Variants in SESN3 observed in about 807,000 individuals in gnomAD.
SESN3 encodes the protein sestrin 3, also known as sestrin-3.
Under a neutral mutation model 55.3 loss-of-function variants are expected in SESN3, and 21 were observed. That is an observed-to-expected ratio of 0.38 (90% CI 0.27 to 0.55). The LOEUF is 0.55. SESN3 is among the 20% of genes least tolerant of loss of function. The pLI, the probability that SESN3 is intolerant of heterozygous loss-of-function variation, is 0.76. For missense variants in SESN3, 408 were observed against 604.3 expected (o/e 0.68, Z 3.41); for synonymous variants, 181 against 203.1 (o/e 0.89, Z 0.93).
chr11:95,181,960 A>G (rs1860066444), intron 6 of SESN3, among the ~76,000 whole-genome samples: 1 of 152,106 alleles, frequency 6.6e-6, no homozygotes, highest in Non-Finnish European at 1.5e-5. Flanking sequence ...ATATGTGTGT[A>G]TATATGTGAA....
At chr11:95,227,355 G>A (rs1034817868) in intron 1 of SESN3, among the ~76,000 whole-genome samples, 3 of 151,946 alleles carry the variant, frequency 2.0e-5, no homozygotes, top group Non-Finnish European at 2.9e-5. Flanking sequence ...ACAGGCACAC[G>A]ATTCCACGCC....
chr11:95,190,434 C>T (rs1325855382), intron 3 of SESN3, among the ~76,000 whole-genome samples: 2 of 151,964 alleles, frequency 1.3e-5, no homozygotes, highest in African/African-American at 4.8e-5. Context: ...TGGAAGCTCA[C>T]TGACCCTTTT....
At chr11:95,184,034 C>T (rs923832699) in intron 6 of SESN3, 2 of 233,040 alleles carry the variant, frequency 8.6e-6, no homozygotes, top group Non-Finnish European at 1.6e-5. Context: ...TTCCCACACA[C>T]CCCCCACCTA....
chr11:95,205,524 C>T (rs148055431), intron 1 of SESN3, among the ~76,000 whole-genome samples: 18 of 152,128 alleles, frequency 1.2e-4, no homozygotes, highest in South Asian at 2.1e-4. Flanking sequence ...TCTAGGGTTC[C>T]TCACAGAATT....
chr11:95,224,704 A>C (rs186074932), intron 1 of SESN3, among the ~76,000 whole-genome samples: 2 of 152,220 alleles, frequency 1.3e-5, no homozygotes, highest in Non-Finnish European at 2.9e-5. Flanking sequence ...ATTTTCAAAA[A>C]TTCTAATTTT....
At chr11:95,232,403 C>T (rs1309324295), upstream of SESN3, 1 of 152,262 alleles carries the variant, frequency 6.6e-6, no homozygotes, top group Admixed American at 6.5e-5. Context: ...GATTGGTGCC[C>T]GGTCCTCACT....
At chr11:95,179,186 G>A (rs1240137010) in intron 6 of SESN3, among the ~76,000 whole-genome samples, 1 of 150,076 alleles carries the variant, frequency 6.7e-6, no homozygotes, top group Non-Finnish European at 1.5e-5. Context: ...ACAGAGTCTT[G>A]CTCTGTCGCC....
chr11:95,181,944 T>A lies in SESN3; in HGVS notation c.937+2476A>T, dbSNP rs975492215. Among the ~76,000 whole-genome samples, 20 of 152,240 alleles carry A rather than the reference T, an allele frequency of 1.3e-4. No individual in the cohort carries two copies. In the East Asian group the frequency reaches 2.9e-3, roughly 22 times the overall value. On this transcript the variant is annotated intron_variant, in intron 6 of 9. Coordinates refer to ENST00000536441, the MANE Select transcript of SESN3 (RefSeq NM_144665.4). Reference sequence around the variant, plus strand: ...ATGATTAAGAGTGAAATATGTATTTTTATATATATGTGTGTATATATGTGA... The same window carrying A: ...ATGATTAAGAGTGAAATATGTATTTATATATATATGTGTGTATATATGTGA...
At chr11:95,204,882 A>C (rs1232879853) in intron 1 of SESN3, 2 of 152,232 alleles carry the variant, frequency 1.3e-5, no homozygotes, top group Non-Finnish European at 2.9e-5. Flanking sequence ...AGATAAATGA[A>C]GCACAAGTGC....
At chr11:95,225,240 C>T (rs908233924) in intron 1 of SESN3, among the ~76,000 whole-genome samples, 1 of 152,178 alleles carries the variant, frequency 6.6e-6, no homozygotes, top group Non-Finnish European at 1.5e-5. Context: ...TAATTATGAA[C>T]ACAGTTTTGA....
intron 1 of SESN3, among the ~76,000 whole-genome samples, chr11:95,206,862 C>T (rs974699830): frequency 2.6e-5 from 4 of 151,822 alleles, no homozygotes; most frequent in Admixed American, 2.0e-4. Context: ...GTGGCATGAT[C>T]TCAGCTCACT....
intron 1 of SESN3, among the ~76,000 whole-genome samples, chr11:95,212,202 G>A (rs992186099): frequency 2.6e-5 from 4 of 152,044 alleles, no homozygotes; most frequent in African/African-American, 9.7e-5. Flanking sequence ...ATACAGTAAT[G>A]TATTAAATTA....
chr11:95,176,897 A>G (rs1324163523), intron 8 of SESN3, among the ~76,000 whole-genome samples: 1 of 152,182 alleles, frequency 6.6e-6, no homozygotes, highest in Non-Finnish European at 1.5e-5. Flanking sequence ...GTTATTACAT[A>G]CAACCATAAT....
chr11:95,210,298 T>C (rs1043699814), intron 1 of SESN3, among the ~76,000 whole-genome samples: 2 of 152,206 alleles, frequency 1.3e-5, no homozygotes, highest in Non-Finnish European at 2.9e-5. Flanking sequence ...CCATGGCACA[T>C]GTATACCTAT....
intron 3 of SESN3, among the ~76,000 whole-genome samples, chr11:95,190,811 C>G (rs1201877081): frequency 3.9e-5 from 6 of 151,990 alleles, no homozygotes; most frequent in Admixed American, 2.6e-4. Flanking sequence ...ATAGCACTTT[C>G]ATTATGTTCT....
chr11:95,225,630 A>G (rs1046394131), intron 1 of SESN3, among the ~76,000 whole-genome samples: 3 of 152,216 alleles, frequency 2.0e-5, no homozygotes, highest in Non-Finnish European at 4.4e-5. Flanking sequence ...AGGCCACTTA[A>G]ATCTTCTCAG....
intron 1 of SESN3, among the ~76,000 whole-genome samples, chr11:95,228,225 C>T (rs1448958652): frequency 6.6e-6 from 1 of 152,140 alleles, no homozygotes; most frequent in Non-Finnish European, 1.5e-5. Context: ...AATTCCATTC[C>T]TTGTGAAGTT....
intron 1 of SESN3, among the ~76,000 whole-genome samples, chr11:95,195,940 T>A (rs1860353500): frequency 6.6e-6 from 1 of 152,164 alleles, no homozygotes; most frequent in African/African-American, 2.4e-5. Flanking sequence ...GTATGCTTCT[T>A]TGTAGTAAAA....
chr11:95,219,934 C>G (rs1158908900), intron 1 of SESN3, among the ~76,000 whole-genome samples: 14 of 152,070 alleles, frequency 9.2e-5, no homozygotes, highest in Admixed American at 8.5e-4. Flanking sequence ...GTAATATTAA[C>G]AGTACTCTGG....
Sources: gnomAD v4.1 joint callset for allele counts (sites outside exome capture counted in the v4.1 genomes callset) on GRCh38, gnomAD v4.1.1 for gene constraint, MANE v1.5 for transcripts, NCBI Gene and HGNC (gene_info 2026-07-23, HGNC 2026-07-21) for gene names.